The following CCPG1 variants were observed in gnomAD, a reference collection of about 807,000 sequenced individuals.
CCPG1 encodes the protein cell cycle progression protein 1.
In CCPG1, 46 loss-of-function variants were observed where a neutral mutation model predicts 81.3. The observed-to-expected ratio is 0.57, with a 90% CI of 0.45 to 0.72. The LOEUF (loss-of-function observed/expected upper bound fraction) is 0.72. CCPG1 is among the 30% of genes least tolerant of loss of function. CCPG1 has a pLI of 0.00. For missense variants in CCPG1, 902 were observed against 937.6 expected, an observed-to-expected ratio of 0.96 and a Z score of 0.50; for synonymous variants, 330 against 305.2, an observed-to-expected ratio of 1.08 and a Z score of -0.85.
At position 55,371,656 on chromosome 15, in the gene CCPG1, T is replaced by G. The variant is rs181091887; in HGVS notation, c.706+137A>C. On this transcript the variant is annotated intron_variant, in intron 6 of 8. Transcript: ENST00000442196. Reference sequence around the variant, plus strand: ...GCACCCACTTCCCGAATGAGAAAACTGAGGCTCAAACAGGCTTCAAGTTTT... The same window carrying G: ...GCACCCACTTCCCGAATGAGAAAACGGAGGCTCAAACAGGCTTCAAGTTTT... 3.5e-3 allele frequency: 2,712 copies of G among 784,132 alleles called. 12 individuals carry two copies. The highest frequency in any genetic ancestry group is 4.3e-3 in the Non-Finnish European group (2,190 of 505,200). 48.6% of individuals were successfully genotyped at this position (784,132 alleles called of 1,614,324 possible). A position where few individuals can be genotyped will look rare whatever the true frequency, so the allele number is the denominator to read the frequency against.
chr15:55,356,433 C>T lies in CCPG1; in HGVS notation c.2235-24G>A, dbSNP rs2056077682. 4 of 1,479,318 alleles carry T rather than the reference C, an allele frequency of 2.7e-6. No individual in the cohort carries two copies. The East Asian group carries it at 9.9e-5, about 37-fold the overall frequency. The allele number at this position is 1,479,318 out of a possible 1,614,324, so 91.6% of individuals were successfully genotyped here. On this transcript the variant is annotated intron_variant, in intron 8 of 8. Coordinates refer to ENST00000442196, the MANE Select transcript of CCPG1 (RefSeq NM_001204450.2). The stretch of plus-strand genomic sequence containing the variant: ...GACTGAAAGCAGTAAACACATTTTT[C>T]ATCTATGTTAGAGTTCAATGTATTT...
At chr15:55,361,075 T>C in intron 7 of CCPG1, 131 bp from the exon 8 acceptor site, 4 of 945,148 alleles carry the variant, frequency 4.2e-6, no homozygotes, top group South Asian at 4.6e-5. Flanking sequence ...CGGGTAGTAT[T>C]TTCAATAGTA....
At chr15:55,374,365 TA>T in intron 5 of CCPG1, 1 of 502,024 alleles carries the variant, frequency 2.0e-6, no homozygotes, top group Non-Finnish European at 3.2e-6. Context: ...CGTACAAAAT[TA>T]AAACGTAATA....
chr15:55,391,724 G>C (rs2056917273), intron 1 of CCPG1, among the ~76,000 whole-genome samples: 1 of 152,048 alleles, frequency 6.6e-6, no homozygotes, highest in African/African-American at 2.4e-5. Context: ...AAGCAGTGGA[G>C]AGTGCCTATT....
At chr15:55,389,558 C>T in intron 1 of CCPG1, 125 bp from the exon 2 acceptor site, 1 of 691,790 alleles carries the variant, frequency 1.4e-6, no homozygotes, top group Non-Finnish European at 2.6e-6. Context: ...GACAAGCCAC[C>T]CATAGATTTA....
chr15:55,399,077 TC>T (rs2057076590), intron 1 of CCPG1, among the ~76,000 whole-genome samples: 1 of 151,662 alleles, frequency 6.6e-6, no homozygotes. Context: ...AAGAAAAACC[TC>T]CCCCAAAGAA....
Position 55,360,789 on chromosome 15 carries a change from T to C in CCPG1, c.984A>G (p.Leu328=). Residue 328 remains leucine, a synonymous_variant, in exon 8 of 9, where the codon TTA becomes TTG. Transcript: ENST00000442196. ...TTCTAATCTGTTCTCTTAGTTTGTT[T>C]AACTCTTCCTGTAATGAGGATAAGG... ...EKALSSLQEE[L]NKLREQIRIL... 6.2e-7 allele frequency: 1 copy of C among 1,612,902 alleles called. No homozygotes were observed. Among genetic ancestry groups the C allele is most frequent in the African/African-American group, 1.3e-5 (1 of 74,944 alleles).
chr15:55,357,019 C>T (rs996174265), intron 8 of CCPG1: 7 of 984,794 alleles, frequency 7.1e-6, no homozygotes, highest in Middle Eastern at 5.2e-4. Flanking sequence ...GGTACCACTC[C>T]CCACTCCTGT....
At chr15:55,393,696 C>T (rs73406928) in intron 1 of CCPG1, among the ~76,000 whole-genome samples, 26,964 of 151,966 alleles carry the variant, frequency 0.18, 4,131 homozygotes, top group African/African-American at 0.42. Context: ...GTAGTATGAA[C>T]ACGGCTTGCT....
rs1355915997 is a variant in CCPG1 at position 55,371,935 on chromosome 15, T to C, written c.564A>G (p.Ser188=). 2.5e-6 allele frequency: 4 copies of C among 1,614,240 alleles called. No homozygotes were observed. The highest frequency in any genetic ancestry group is 2.5e-6 in the Non-Finnish European group (3 of 1,180,044). ...RRARKKTVSA[S]ESEDRLVAEQ... ...CAGCAACTAGCCGGTCTTCAGATTC[T>C]GAAGCAGAAACGGTCTTCTTCCTAG... Residue 188 remains serine, a synonymous_variant, in exon 6 of 9, where the codon TCA becomes TCG. Transcript: ENST00000442196.
intron 6 of CCPG1, among the ~76,000 whole-genome samples, chr15:55,366,600 T>C (rs755333934): frequency 1.8e-3 from 280 of 152,200 alleles, no homozygotes; most frequent in Non-Finnish European, 1.2e-3. Flanking sequence ...GGAGAAACCC[T>C]GTCTCTACTA....
At chr15:55,365,076 A>G (rs1266717241) in intron 7 of CCPG1, 112 bp downstream of exon 7, 1 of 654,570 alleles carries the variant, frequency 1.5e-6, no homozygotes, top group Non-Finnish European at 2.7e-6. Context: ...CAATTCAACA[A>G]TGATCAGCAT....
chr15:55,381,369 G>GT (rs1352692712), intron 3 of CCPG1, among the ~76,000 whole-genome samples: 1 of 151,842 alleles, frequency 6.6e-6, no homozygotes, highest in Non-Finnish European at 1.5e-5. Flanking sequence ...GGAGGCGGAG[G>GT]TTACAGTGAG....
At position 55,360,892 on chromosome 15, in the gene CCPG1, A is replaced by G. The variant is rs187466203; in HGVS notation, c.881T>C (p.Met294Thr). Residue 294 changes from methionine (M) to threonine (T), a missense_variant, in exon 8 of 9, where the codon ATG becomes ACG. By Grantham distance (81) the Met-to-Thr change is moderately conservative. Transcript: ENST00000442196. ...GTTCGTTTTCTGAGTTTCAAAGGAC[A>G]TCTTCTCTGCTTCAGTAAGTGTCCA... ...RCWTLTEAEK[M>T]SFETQKTNLA... 12 of 1,597,444 alleles carry G rather than the reference A, an allele frequency of 7.5e-6. No individual in the cohort carries two copies. In the African/African-American group the frequency reaches 1.5e-4, roughly 20 times the overall value.
intron 1 of CCPG1, among the ~76,000 whole-genome samples, 161 bp from the exon 2 acceptor site, chr15:55,389,594 T>C (rs1433020382): frequency 6.6e-6 from 1 of 152,172 alleles, no homozygotes; most frequent in African/African-American, 2.4e-5. Flanking sequence ...CAGGACTGCA[T>C]ACCTGTATGA....
In CCPG1 at chr15:55,359,592, T is replaced by C; in HGVS notation, c.2181A>G (p.Glu727=). The C allele has an allele frequency of 6.2e-7, 1 of 1,613,080 alleles. No homozygotes were observed. Among genetic ancestry groups the C allele is most frequent in the Non-Finnish European group, 8.5e-7 (1 of 1,179,632 alleles). The part of the protein sequence containing the change: ...DNDGVFEKLD[E]YIYRHFFGHT... ...GACCAAAGAAGTGTCTATATATATA[T>C]TCATCCAACTTCTCAAATACTCCAT... Residue 727 remains glutamate (E), a synonymous_variant, in exon 8 of 9, where the codon GAA becomes GAG. Coordinates refer to ENST00000442196, the MANE Select transcript of CCPG1 (RefSeq NM_001204450.2).
At position 55,407,013 on chromosome 15, in the gene CCPG1, G is replaced by C. The variant is rs932163944; in HGVS notation, c.-10+1208C>G. 9.0e-5 allele frequency among the ~76,000 whole-genome samples: 13 copies of C among 144,682 alleles called. 1 individual carries two copies. The highest frequency in any genetic ancestry group is 3.6e-4 in the African/African-American group (13 of 36,342). 94.9% of individuals were successfully genotyped at this position (144,682 alleles called of 152,430 possible). A position where few individuals can be genotyped will look rare whatever the true frequency, so the allele number is the denominator to read the frequency against. On this transcript the variant is annotated intron_variant, in intron 1 of 8. Coordinates refer to ENST00000442196, the MANE Select transcript of CCPG1 (RefSeq NM_001204450.2). ...GCGGATCACGAGGTCAGGAGTCCAAGACCAGCCTGGCCGACACGTTGAGAC... is the reference window on the plus strand; with the variant it reads ...GCGGATCACGAGGTCAGGAGTCCAACACCAGCCTGGCCGACACGTTGAGAC...
intron 5 of CCPG1, among the ~76,000 whole-genome samples, chr15:55,375,164 G>T (rs542685420): frequency 5.3e-5 from 8 of 152,268 alleles, no homozygotes; most frequent in African/African-American, 1.9e-4. Context: ...AATATTAGAA[G>T]AATGGTCTTA....
chr15:55,391,802 G>C (rs927081643), intron 1 of CCPG1, among the ~76,000 whole-genome samples: 1 of 145,360 alleles, frequency 6.9e-6, no homozygotes, highest in Non-Finnish European at 1.5e-5. Flanking sequence ...GCTGTTAAGA[G>C]CCATAATGAT....
Sources: allele counts gnomAD v4.1 joint callset (sites outside exome capture counted in the v4.1 genomes callset), GRCh38; gene constraint gnomAD v4.1.1; transcripts MANE v1.5; gene names NCBI Gene and HGNC (gene_info 2026-07-23, HGNC 2026-07-21).